Variants in ITIH5 observed in about 807,000 individuals in gnomAD.
ITIH5 encodes the protein inter-alpha-trypsin inhibitor heavy chain 5.
ITIH5 carries 65 observed loss-of-function variants against 77.5 expected under a neutral mutation model. That is an observed-to-expected ratio of 0.84 (90% CI 0.69 to 1.03). The LOEUF is 1.03. ITIH5 is among the 50% of genes least tolerant of loss of function. ITIH5 has a pLI of 0.00. For synonymous variants in ITIH5, 525 were observed against 494.3 expected (o/e 1.06, Z -0.82); for missense variants, 1,208 against 1,213.1 (o/e 1.00, Z 0.06).
chr10:7,579,870 T>C lies in ITIH5; in HGVS notation c.1303A>G (p.Thr435Ala). The C allele has an allele frequency of 6.2e-7, 1 of 1,614,150 alleles. No homozygotes were observed. The highest frequency in any genetic ancestry group is 8.5e-7 in the Non-Finnish European group (1 of 1,180,024). Residue 435 changes from threonine to alanine, a missense_variant, in exon 9 of 14, where the codon ACC becomes GCC. Transcript: ENST00000397146. The stretch of plus-strand genomic sequence containing the variant: ...TCCACGTCGTTGCCGATGCCAATGG[T>C]GAAGATGCAGACTTGGCCTCGGGCG... ...EAARGQVCIFTIGIGNDVDFR... is the reference protein window; with the variant it reads ...EAARGQVCIFAIGIGNDVDFR...
chr10:7,594,612 G>A (rs980636153), intron 7 of ITIH5, among the ~76,000 whole-genome samples: 11 of 151,978 alleles, frequency 7.2e-5, no homozygotes, highest in African/African-American at 1.2e-4. Context: ...GGCCTGATTC[G>A]CGAGGGGATT....
At chr10:7,602,385 A>C (rs2131008842) in intron 7 of ITIH5, among the ~76,000 whole-genome samples, 1 of 152,318 alleles carries the variant, frequency 6.6e-6, no homozygotes, top group South Asian at 2.1e-4. Context: ...TCTCACCTTG[A>C]ATTTTAATCC....
intron 12 of ITIH5, among the ~76,000 whole-genome samples, chr10:7,568,083 G>T (rs913988954): frequency 1.3e-5 from 2 of 152,162 alleles, no homozygotes; most frequent in African/African-American, 4.8e-5. Context: ...AGGCCCCAGG[G>T]TTCCGTGCTG....
At position 7,644,877 on chromosome 10, in the gene ITIH5, A is replaced by G. The variant is rs1422634683; in HGVS notation, c.136-2787T>C. Among the ~76,000 whole-genome samples, 12 of 73,588 alleles carry G rather than the reference A, an allele frequency of 1.6e-4. 1 individual carries two copies. Among genetic ancestry groups the G allele is most frequent in the Non-Finnish European group, 2.4e-4 (10 of 41,656 alleles). The allele number at this position is 73,588 out of a possible 152,430, so 48.3% of individuals were successfully genotyped here. On this transcript the variant is annotated intron_variant, in intron 2 of 13. Transcript: ENST00000397146. ...CATATGTATCACATATATATCACAT[A>G]TATATATCACATATATATATCACAT...
intron 7 of ITIH5, 40 bp from the exon 8 acceptor site, chr10:7,586,109 C>T: frequency 1.9e-6 from 3 of 1,562,304 alleles, no homozygotes; most frequent in Middle Eastern, 2.0e-4. Flanking sequence ...CAGCTGCTCA[C>T]ATAAGTCCAC....
chr10:7,577,224 G>A (rs950240214), intron 9 of ITIH5, among the ~76,000 whole-genome samples: 36 of 152,230 alleles, frequency 2.4e-4, no homozygotes, highest in African/African-American at 7.2e-4. Flanking sequence ...TCTCTCACGC[G>A]GCTTCTGAGC....
At chr10:7,663,692 T>C (rs887326480) in intron 1 of ITIH5, among the ~76,000 whole-genome samples, 17 of 152,304 alleles carry the variant, frequency 1.1e-4, no homozygotes, top group African/African-American at 3.8e-4. Context: ...GCCTATGTAG[T>C]AGGAATTATT....
chr10:7,617,317 A>G (rs1377954197), intron 5 of ITIH5, 35 bp from the exon 6 acceptor site: 1 of 1,283,274 alleles, frequency 7.8e-7, no homozygotes, highest in South Asian at 1.9e-5. Flanking sequence ...TAATAACTTA[A>G]TATATATTTT....
chr10:7,568,643 G>A (rs529118914), intron 12 of ITIH5, among the ~76,000 whole-genome samples: 2 of 152,308 alleles, frequency 1.3e-5, no homozygotes, highest in South Asian at 4.1e-4. Flanking sequence ...GGGACCCTGT[G>A]CAACCCAACA....
In ITIH5 at chr10:7,628,734, G is replaced by T. The variant is rs1588412248; in HGVS notation, c.652+8494C>A. 1.7e-5 allele frequency among the ~76,000 whole-genome samples: 2 copies of T among 120,042 alleles called. 1 individual carries two copies. Among genetic ancestry groups the T allele is most frequent in the South Asian group, 4.9e-4 (2 of 4,042 alleles). 78.8% of individuals were successfully genotyped at this position (120,042 alleles called of 152,430 possible). A position where few individuals can be genotyped will look rare whatever the true frequency, so the allele number is the denominator to read the frequency against. ...CCATGTTGTAGCGTGTGTCCATGTT[G>T]CAGCGTGTGTCCATGTTGCAGCGTG... On this transcript the variant is annotated intron_variant, in intron 5 of 13. Transcript: ENST00000397146.
chr10:7,606,577 G>C (rs1833130472), intron 7 of ITIH5, among the ~76,000 whole-genome samples: 1 of 152,142 alleles, frequency 6.6e-6, no homozygotes, highest in African/African-American at 2.4e-5. Context: ...ACGAAGAAGT[G>C]AACAGACACT....
intron 12 of ITIH5, among the ~76,000 whole-genome samples, chr10:7,567,901 C>T (rs1216170973): frequency 6.6e-6 from 1 of 152,188 alleles, no homozygotes; most frequent in Admixed American, 6.5e-5. Context: ...GCCTCAATTT[C>T]CTTATCTGTA....
rs1833358359 is a variant in ITIH5 at position 7,616,030 on chromosome 10, T to A, written c.891A>T (p.Val297=). ...TAGAAGCACTGCTGTCAAGCACGAA[T>A]ACCACATTCTTGGGTAAAGGAGGAA... The part of the protein sequence containing the change: ...KDLPPLPKNV[V]FVLDSSASMV... The change falls in exon 7 of 14, where the codon GTA becomes GTT. Residue 297 remains valine, a synonymous_variant. Transcript: ENST00000397146. 3.1e-6 allele frequency: 5 copies of A among 1,613,730 alleles called. No individual in the cohort carries two copies. Among genetic ancestry groups the A allele is most frequent in the Non-Finnish European group, 4.2e-6 (5 of 1,179,642 alleles).
rs7092583 is a variant in ITIH5 at position 7,559,746 on chromosome 10, A to G, written c.*3337T>C. 0.11 allele frequency: 49,278 copies of G among 439,956 alleles called. 3,301 individuals carry two copies. The highest frequency in any genetic ancestry group is 0.22 in the African/African-American group (10,847 of 48,652). The allele number at this position is 439,956 out of a possible 1,614,324, so 27.3% of individuals were successfully genotyped here. ...GTCCAAGATCAAGGTGCCAGCAGACATGGTGTCTGGTGAGGGCCGTCTTCC... is the reference window on the plus strand; with the variant it reads ...GTCCAAGATCAAGGTGCCAGCAGACGTGGTGTCTGGTGAGGGCCGTCTTCC... On this transcript the variant is annotated 3_prime_UTR_variant, in exon 14 of 14. Coordinates refer to ENST00000397146, the MANE Select transcript of ITIH5 (RefSeq NM_030569.7).
rs1038671157 is a variant in ITIH5 at position 7,577,075 on chromosome 10, T to C, written c.1419-63A>G. ...CCTGCTCTGACAGCAGGCAGGACAG[T>C]CCTAAAGGAAACTGCAGACTCTCAG... On this transcript the variant is annotated intron_variant, in intron 9 of 13. Coordinates refer to ENST00000397146, the MANE Select transcript of ITIH5 (RefSeq NM_030569.7). 8 of 1,437,570 alleles carry C rather than the reference T, an allele frequency of 5.6e-6. No individual in the cohort carries two copies. In the African/African-American group the frequency reaches 1.1e-4, roughly 21 times the overall value. 89.1% of individuals were successfully genotyped at this position (1,437,570 alleles called of 1,614,324 possible).
At chr10:7,662,927 C>CA (rs1208896269) in intron 1 of ITIH5, among the ~76,000 whole-genome samples, 2 of 151,874 alleles carry the variant, frequency 1.3e-5, no homozygotes, top group Non-Finnish European at 2.9e-5. Context: ...CCCCCAAATG[C>CA]AAAAATTTGC....
At chr10:7,585,170 C>T (rs1052495580) in intron 8 of ITIH5, among the ~76,000 whole-genome samples, 1 of 152,188 alleles carries the variant, frequency 6.6e-6, no homozygotes, top group Non-Finnish European at 1.5e-5. Flanking sequence ...CTGCTAAATG[C>T]TCCAATACTG....
At chr10:7,635,448 C>G (rs1374089149) in intron 5 of ITIH5, among the ~76,000 whole-genome samples, 1 of 152,160 alleles carries the variant, frequency 6.6e-6, no homozygotes, top group Non-Finnish European at 1.5e-5. Context: ...ACAGCTACCA[C>G]CTGCATGACC....
rs556348071 is a variant in ITIH5, at chr10:7,605,814, C to A, written c.939+10168G>T. 5.9e-5 allele frequency among the ~76,000 whole-genome samples: 9 copies of A among 152,228 alleles called. No homozygotes were observed. In the South Asian group the frequency reaches 1.9e-3, roughly 32 times the overall value. ...ACTTGTAGTGTTTATCTTGCTGTTA[C>A]TTGTAGCAAAGTTTCGTTTCAGCCC... On this transcript the variant is annotated intron_variant, in intron 7 of 13. Transcript: ENST00000397146.
Sources: allele counts gnomAD v4.1 joint callset (sites outside exome capture counted in the v4.1 genomes callset), GRCh38; gene constraint gnomAD v4.1.1; transcripts MANE v1.5; gene names NCBI Gene and HGNC (gene_info 2026-07-23, HGNC 2026-07-21).